The following CCDC146 variants were observed in gnomAD, a reference collection of about 807,000 sequenced individuals.
CCDC146 encodes coiled-coil domain containing 146, also known as coiled-coil domain-containing protein 146.
A neutral mutation model predicts 119.3 loss-of-function variants in CCDC146; 92 were observed. The ratio of observed to expected loss-of-function variants is 0.77; its 90% CI spans 0.65 to 0.92. The LOEUF (loss-of-function observed/expected upper bound fraction) is 0.92. Ranked by LOEUF, CCDC146 falls within the 40% of genes least tolerant of loss-of-function variation. The probability of loss-of-function intolerance (pLI) is 0.00; values close to 1 mark genes in which losing one functional copy is unlikely to be tolerated. For synonymous variants in CCDC146, 372 were observed against 371.8 expected (o/e 1.00, Z -0.01); for missense variants, 1,000 against 1,103.0 (o/e 0.91, Z 1.32).
chr7:77,289,229 C>A (rs1793901096), intron 17 of CCDC146, among the ~76,000 whole-genome samples: 1 of 152,234 alleles, frequency 6.6e-6, no homozygotes, highest in Non-Finnish European at 1.5e-5. Flanking sequence ...TGGGGGAAGT[C>A]ATTTTTCACT....
At chr7:77,162,514 G>C (rs1426120488) in intron 1 of CCDC146, among the ~76,000 whole-genome samples, 1 of 152,094 alleles carries the variant, frequency 6.6e-6, no homozygotes, top group African/African-American at 2.4e-5. Flanking sequence ...TTTAATGCCA[G>C]CACCATACTG....
In CCDC146 at chr7:77,220,367, A is replaced by T. The variant is rs117470354; in HGVS notation, c.157-16580A>T. Among the ~76,000 whole-genome samples the T allele has an allele frequency of 9.9e-5, 15 of 152,284 alleles. No homozygotes were observed. In the East Asian group the frequency reaches 2.9e-3, roughly 29 times the overall value. On this transcript the variant is annotated intron_variant, in intron 2 of 18. Coordinates refer to ENST00000285871, the MANE Select transcript of CCDC146 (RefSeq NM_020879.3). ...ATCACTGTTATCCTATTCTTTTAGG[A>T]TGCCCAGATTTCGTATTGTTCAAAC... is the stretch of plus-strand genomic sequence containing the variant.
chr7:77,259,285 A>C (rs1344775196), intron 7 of CCDC146: 1 of 435,476 alleles, frequency 2.3e-6, no homozygotes, highest in Non-Finnish European at 4.1e-6. Flanking sequence ...TTATGGGTCA[A>C]GATTCTGTTG....
intron 2 of CCDC146, among the ~76,000 whole-genome samples, chr7:77,214,699 C>T (rs1477828763): frequency 2.0e-5 from 3 of 152,024 alleles, no homozygotes; most frequent in African/African-American, 7.2e-5. Flanking sequence ...CGTCCTTTCC[C>T]AATTGTTTCT....
intron 2 of CCDC146, among the ~76,000 whole-genome samples, chr7:77,226,973 G>A (rs1041761118): frequency 5.3e-5 from 8 of 152,260 alleles, no homozygotes; most frequent in African/African-American, 1.9e-4. Context: ...GATTTTTTAT[G>A]TTTAAGGCAG....
At chr7:77,284,110 G>T (rs1002563505) in intron 15 of CCDC146, among the ~76,000 whole-genome samples, 1 of 152,128 alleles carries the variant, frequency 6.6e-6, no homozygotes, top group Non-Finnish European at 1.5e-5. Context: ...GTCTGCAAAG[G>T]CACGGAACTC....
intron 4 of CCDC146, among the ~76,000 whole-genome samples, chr7:77,248,788 C>T (rs1026510964): frequency 4.6e-5 from 7 of 152,158 alleles, no homozygotes; most frequent in Non-Finnish European, 1.0e-4. Context: ...GAAGCAATTT[C>T]CAAAATGTCA....
Position 77,196,568 on chromosome 7 carries a change from C to G in CCDC146, c.156+28744C>G. ...ATCGTGGTTGTAATGTTTGTTGAAACGTAATGCATCTCCAGCTGTGCCATT... is the reference window on the plus strand; with the variant it reads ...ATCGTGGTTGTAATGTTTGTTGAAAGGTAATGCATCTCCAGCTGTGCCATT... On this transcript the variant is annotated intron_variant, in intron 2 of 18. Coordinates refer to ENST00000285871, the MANE Select transcript of CCDC146 (RefSeq NM_020879.3). This position sits in a 1 kb window ranked among gnomAD's most constrained non-coding sequence, Gnocchi z 4.2. The G allele has an allele frequency of 1.2e-6, 2 of 1,614,116 alleles. No individual in the cohort carries two copies. Among genetic ancestry groups the G allele is most frequent in the South Asian group, 1.1e-5 (1 of 91,088 alleles).
intron 15 of CCDC146, among the ~76,000 whole-genome samples, chr7:77,285,413 A>G (rs747358391): frequency 6.6e-6 from 1 of 152,260 alleles, no homozygotes; most frequent in Non-Finnish European, 1.5e-5. Context: ...TACAGGAAAA[A>G]GAAAAATGTT....
At chr7:77,266,578 A>G (rs889340740) in intron 9 of CCDC146, among the ~76,000 whole-genome samples, 7 of 152,236 alleles carry the variant, frequency 4.6e-5, no homozygotes, top group Non-Finnish European at 1.0e-4. Context: ...TTGAAAGGCT[A>G]TAAAGTAAAT....
intron 9 of CCDC146, among the ~76,000 whole-genome samples, chr7:77,267,764 T>C (rs957947071): frequency 5.9e-5 from 9 of 152,250 alleles, no homozygotes; most frequent in Admixed American, 1.3e-4. Flanking sequence ...CATCCTGTTT[T>C]TACACTTTTA....
intron 1 of CCDC146, among the ~76,000 whole-genome samples, chr7:77,160,575 A>G (rs1290434200): frequency 6.6e-6 from 1 of 152,024 alleles, no homozygotes; most frequent in African/African-American, 2.4e-5. Context: ...CTGTTTGTCT[A>G]TTATTGGTGT....
In CCDC146 at chr7:77,274,556, A is replaced by G. The variant is rs769143175; in HGVS notation, c.1344A>G (p.Gln448=). 1.2e-6 allele frequency: 2 copies of G among 1,613,308 alleles called. No individual in the cohort carries two copies. Among genetic ancestry groups the G allele is most frequent in the Non-Finnish European group, 1.7e-6 (2 of 1,179,422 alleles). Reference sequence around the variant, plus strand: ...AAGAAAACAAGCTTTTAAAGGAGCAAGAAAACATGAAAGAGCTAGTAGTCA... The same window carrying G: ...AAGAAAACAAGCTTTTAAAGGAGCAGGAAAACATGAAAGAGCTAGTAGTCA... ...LAEENKLLKE[Q]ENMKELVVNL... The change falls in exon 11 of 19, where the codon CAA becomes CAG. Residue 448 remains glutamine (Q), a synonymous_variant. Transcript: ENST00000285871.
rs1243717214 is a variant in CCDC146 at position 77,294,468 on chromosome 7, GTGT to G, written c.2665-194_2665-192del. 9.9e-5 allele frequency among the ~76,000 whole-genome samples: 10 copies of G among 101,124 alleles called. No individual in the cohort carries two copies. The Admixed American group carries it at 1.1e-3, about 11-fold the overall frequency. The allele number at this position is 101,124 out of a possible 152,430, so 66.3% of individuals were successfully genotyped here. On this transcript the variant is annotated intron_variant, in intron 18 of 18. Transcript: ENST00000285871. ...GCCCATGCCAATGAGAGGTAGGTGT[GTGT>G]GTGTGTGTGTGTGTGTGTGTGTGTG...
At chr7:77,247,389 A>G (rs1792973072) in intron 4 of CCDC146, among the ~76,000 whole-genome samples, 2 of 152,224 alleles carry the variant, frequency 1.3e-5, no homozygotes, top group Admixed American at 1.3e-4. Context: ...AGATAGTAGC[A>G]CACTACTACC....
intron 2 of CCDC146, among the ~76,000 whole-genome samples, chr7:77,189,807 C>CA (rs2150423055): frequency 6.6e-6 from 1 of 152,340 alleles, no homozygotes; most frequent in African/African-American, 2.4e-5. Context: ...TTATCCCAGA[C>CA]ATCTGCCTGG....
rs186816133 is a variant in CCDC146 at position 77,192,498 on chromosome 7, C to T, written c.156+24674C>T. Among the ~76,000 whole-genome samples, 452 of 152,172 alleles carry T rather than the reference C, an allele frequency of 3.0e-3. 8 individuals carry two copies. The highest frequency in any genetic ancestry group is 0.024 in the Admixed American group (372 of 15,294). On this transcript the variant is annotated intron_variant, in intron 2 of 18. Coordinates refer to ENST00000285871, the MANE Select transcript of CCDC146 (RefSeq NM_020879.3). ...CTATCTAGACCAAGGAAACAGTATA[C>T]TAAAGGCAATGAAAACATTAGAAAG... is the stretch of plus-strand genomic sequence containing the variant.
intron 1 of CCDC146, among the ~76,000 whole-genome samples, chr7:77,157,434 A>G (rs911824499): frequency 1.3e-5 from 2 of 150,530 alleles, no homozygotes; most frequent in Non-Finnish European, 3.0e-5. Flanking sequence ...GTTTTTACAC[A>G]TGCTCCTTGT....
chr7:77,124,437 C>T (rs143831032), intron 1 of CCDC146, among the ~76,000 whole-genome samples: 8,270 of 152,162 alleles, frequency 0.054, 705 homozygotes, highest in African/African-American at 0.19. Context: ...TGTTCACATG[C>T]GTCATCTCAC....
Sources: gnomAD v4.1 joint callset for allele counts (sites outside exome capture counted in the v4.1 genomes callset) on GRCh38, gnomAD v4.1.1 for gene constraint, Gnocchi (gnomAD v3.1) non-coding constraint, MANE v1.5 for transcripts, NCBI Gene and HGNC (gene_info 2026-07-23, HGNC 2026-07-21) for gene names.